The following DCAF8L2 variants were observed in gnomAD, a reference collection of about 807,000 sequenced individuals.
DCAF8L2 encodes the protein DDB1 and CUL4 associated factor 8 like 2.
For synonymous variants in DCAF8L2, 200 were observed against 190.9 expected (o/e 1.05, Z -0.39); for missense variants, 430 against 490.7 (o/e 0.88, Z 1.17).
chrX:27,569,437 G>T, the DCAF8L2 span, among the ~76,000 whole-genome samples: 189 of 111,473 alleles, frequency 1.7e-3, 1 homozygote, highest in Non-Finnish European at 2.4e-3. Flanking sequence ...CCCAGTTCAG[G>T]CAAGAATCCA....
At chrX:27,626,852 T>C (rs1001366431) in intron 1 of DCAF8L2, among the ~76,000 whole-genome samples, 1 of 111,556 alleles carries the variant, frequency 9.0e-6, no homozygotes, top group African/African-American at 3.3e-5. Flanking sequence ...ATTAAGTCTA[T>C]ATCTTAGTCT....
chrX:27,681,178 A>G (rs939002002), intron 3 of DCAF8L2, among the ~76,000 whole-genome samples: 3 of 109,981 alleles, frequency 2.7e-5, no homozygotes, highest in African/African-American at 1.0e-4. Flanking sequence ...TTGACACAGC[A>G]GTTTATAGCA....
chrX:27,654,950 G>A (rs1222164930), intron 2 of DCAF8L2, among the ~76,000 whole-genome samples: 1 of 110,549 alleles, frequency 9.0e-6, no homozygotes. Flanking sequence ...TGATGAATAC[G>A]AGAAACTAGG....
chrX:27,673,726 T>C (rs1200620662), intron 2 of DCAF8L2, among the ~76,000 whole-genome samples: 4 of 108,576 alleles, frequency 3.7e-5, no homozygotes, highest in Non-Finnish European at 7.6e-5. Context: ...CACACACACA[T>C]ATACTACATG....
At chrX:27,510,501 A>G in the DCAF8L2 span, among the ~76,000 whole-genome samples, 1 of 107,563 alleles carries the variant, frequency 9.3e-6, no homozygotes, top group Non-Finnish European at 1.9e-5. Context: ...ATATATATAT[A>G]TATCTTGAAT....
chrX:27,518,153 A>T, the DCAF8L2 span: 2 of 918,468 alleles, frequency 2.2e-6, no homozygotes, highest in Non-Finnish European at 3.2e-6. Flanking sequence ...GCCATCTTAA[A>T]GGATGAAATA....
chrX:27,492,726 C>A, the DCAF8L2 span, among the ~76,000 whole-genome samples: 5 of 111,369 alleles, frequency 4.5e-5, no homozygotes, highest in Non-Finnish European at 9.4e-5. Context: ...GGTGATCCAC[C>A]CGCCTCAGCC....
chrX:27,471,740 T>C, the DCAF8L2 span, among the ~76,000 whole-genome samples: 1 of 111,287 alleles, frequency 9.0e-6, no homozygotes, highest in Non-Finnish European at 1.9e-5. Context: ...CTTATTCTGC[T>C]CTCATCCCAC....
chrX:27,547,911 C>CTCTCTCTCTCT, the DCAF8L2 span, among the ~76,000 whole-genome samples: 3 of 95,241 alleles, frequency 3.1e-5, no homozygotes, highest in Non-Finnish European at 2.1e-5. Flanking sequence ...CTCTCTCTCT[C>CTCTCTCTCTCT]CTGTTGCCAT....
chrX:27,673,308 G>A (rs927762491), intron 2 of DCAF8L2, among the ~76,000 whole-genome samples: 18 of 108,993 alleles, frequency 1.7e-4, no homozygotes, highest in African/African-American at 5.7e-4. Context: ...AGGAGTTCAA[G>A]ACCAGCTTGG....
intron 1 of DCAF8L2, among the ~76,000 whole-genome samples, chrX:27,630,416 T>C (rs964608603): frequency 3.6e-5 from 4 of 111,498 alleles, no homozygotes; most frequent in African/African-American, 9.8e-5. Flanking sequence ...CCAGATGGCT[T>C]TACTGGTGAA....
chrX:27,633,764 G>A (rs1928386479), intron 2 of DCAF8L2: 1 of 111,806 alleles, frequency 8.9e-6, no homozygotes, highest in Non-Finnish European at 1.9e-5. Flanking sequence ...TTAACTTTGA[G>A]TCCATAATAA....
At chrX:27,571,139 G>T in the DCAF8L2 span, among the ~76,000 whole-genome samples, 32 of 111,666 alleles carry the variant, frequency 2.9e-4, no homozygotes, top group African/African-American at 1.0e-3. Flanking sequence ...ATTAATCTTG[G>T]ATAGCTTGCT....
At chrX:27,491,561 A>G in the DCAF8L2 span, among the ~76,000 whole-genome samples, 1 of 111,974 alleles carries the variant, frequency 8.9e-6, no homozygotes, top group Non-Finnish European at 1.9e-5. Flanking sequence ...CATTTTGCCT[A>G]CTCTGCATTT....
At chrX:27,514,664 G>A in the DCAF8L2 span, among the ~76,000 whole-genome samples, 11,107 of 34,810 alleles carry the variant, frequency 0.32, 1,163 homozygotes, top group East Asian at 0.53. Flanking sequence ...GCGAGACTCC[G>A]TCTCAAAAAA....
At chrX:27,613,469 C>T (rs1427771474) in intron 1 of DCAF8L2, among the ~76,000 whole-genome samples, 1 of 111,123 alleles carries the variant, frequency 9.0e-6, no homozygotes, top group Non-Finnish European at 1.9e-5. Flanking sequence ...ATTGCCCTGG[C>T]CAGAACTTCC....
the DCAF8L2 span, among the ~76,000 whole-genome samples, chrX:27,499,121 A>G: frequency 1.8e-5 from 2 of 112,187 alleles, no homozygotes. Flanking sequence ...TGGTAGTTAT[A>G]TTTCTAATTT....
At chrX:27,626,965 A>C (rs1174340624) in intron 1 of DCAF8L2, among the ~76,000 whole-genome samples, 1 of 110,484 alleles carries the variant, frequency 9.1e-6, no homozygotes. Flanking sequence ...CTTTTGTTAC[A>C]TGAAGTAGCA....
chrX:27,579,943 A>G, the DCAF8L2 span, among the ~76,000 whole-genome samples: 6 of 109,031 alleles, frequency 5.5e-5, no homozygotes, highest in Admixed American at 6.0e-4. Context: ...TTTCTTATAA[A>G]ATATATTATA....
Sources: gnomAD v4.1 joint callset for allele counts (sites outside exome capture counted in the v4.1 genomes callset) on GRCh38, gnomAD v4.1.1 for gene constraint, MANE v1.5 for transcripts, NCBI Gene and HGNC (gene_info 2026-07-23, HGNC 2026-07-21) for gene names.